The following SLC17A9 variants were observed in gnomAD, a reference collection of about 807,000 sequenced individuals.
The protein encoded by SLC17A9 is solute carrier family 17 member 9, also known as voltage-gated purine nucleotide uniporter SLC17A9.
A neutral mutation model predicts 55.0 loss-of-function variants in SLC17A9; 49 were observed. That is an observed-to-expected ratio of 0.89 (90% CI 0.71 to 1.13). SLC17A9 has a LOEUF of 1.13. Among genes scored for constraint, SLC17A9 ranks in the 50% most tolerant of loss-of-function variants. The probability of loss-of-function intolerance (pLI) is 0.00; values close to 1 mark genes in which losing one functional copy is unlikely to be tolerated. For missense variants in SLC17A9, 526 were observed against 569.3 expected (o/e 0.92, Z 0.77); for synonymous variants, 256 against 247.4 (o/e 1.03, Z -0.32).
In SLC17A9 at chr20:62,967,406, T is replaced by C; in HGVS notation, c.1217T>C (p.Leu406Pro). The change falls in exon 13 of 13, where the codon CTT (leucine) becomes CCT (proline). Residue 406 changes from leucine to proline, a missense_variant. By Grantham distance (98) the Leu-to-Pro change is moderately conservative. Coordinates refer to ENST00000370351, the MANE Select transcript of SLC17A9 (RefSeq NM_022082.4). ...GGCTCCTGGACTTGCCTGTTCAACC[T>C]TGTGGCCATCATCAGCAACCTGGGG... is the stretch of plus-strand genomic sequence containing the variant. ...TTGSWTCLFN[L>P]VAIISNLGLC... The C allele has an allele frequency of 6.2e-7, 1 of 1,614,180 alleles. No homozygotes were observed. The highest frequency in any genetic ancestry group is 8.5e-7 in the Non-Finnish European group (1 of 1,180,020).
At position 62,957,590 on chromosome 20, in the gene SLC17A9, G is replaced by C; in HGVS notation, c.397+10G>C. On this transcript the variant is annotated intron_variant, in intron 3 of 12. Coordinates refer to ENST00000370351, the MANE Select transcript of SLC17A9 (RefSeq NM_022082.4). ...ATGGGCTTGCTCCAAGGTAAGGGGA[G>C]CTCAGGCGGCTCCCTCACGCTCTCT... The C allele has an allele frequency of 6.5e-7, 1 of 1,528,172 alleles. No homozygotes were observed. The highest frequency in any genetic ancestry group is 8.8e-7 in the Non-Finnish European group (1 of 1,138,276). 94.7% of individuals were successfully genotyped at this position (1,528,172 alleles called of 1,614,324 possible).
rs745860254 is a variant in SLC17A9, at chr20:62,965,102, G to A, written c.911-30G>A. 1.9e-5 allele frequency: 31 copies of A among 1,613,760 alleles called. 1 individual carries two copies. Among genetic ancestry groups the A allele is most frequent in the African/African-American group, 1.2e-4 (9 of 74,936 alleles). The stretch of plus-strand genomic sequence containing the variant: ...GGGGTGTCAGCACGAAAGGGCTAAC[G>A]GGAGCCCCTTCCTTGGCCTCCCCCT... On this transcript the variant is annotated intron_variant, in intron 8 of 12. Transcript: ENST00000370351.
chr20:62,967,524 AG>A lies in SLC17A9; in HGVS notation c.*26del. On this transcript the variant is annotated 3_prime_UTR_variant, in exon 13 of 13. Transcript: ENST00000370351. ...AGCTCCCAACCCCACAGCCTCTCCA[AG>A]GACCCAGGCGCCAGCAGCCCCAGGA... 6.2e-7 allele frequency: 1 copy of A among 1,607,880 alleles called. No individual in the cohort carries two copies. The highest frequency in any genetic ancestry group is 2.2e-5 in the East Asian group (1 of 44,746).
At chr20:62,965,751 A>G in intron 10 of SLC17A9, 26 bp downstream of exon 10, 1 of 1,608,840 alleles carries the variant, frequency 6.2e-7, no homozygotes, top group African/African-American at 1.3e-5. Flanking sequence ...TCCATCCACC[A>G]GAGCGCCGTG....
rs560533186 is a variant in SLC17A9 at position 62,957,840 on chromosome 20, C to T, written c.397+260C>T. Among the ~76,000 whole-genome samples the T allele has an allele frequency of 1.2e-3, 158 of 132,992 alleles. 4 individuals carry two copies. Among genetic ancestry groups the T allele is most frequent in the Middle Eastern group, 8.8e-3 (2 of 226 alleles). The allele number at this position is 132,992 out of a possible 152,430, so 87.2% of individuals were successfully genotyped here. On this transcript the variant is annotated intron_variant, in intron 3 of 12. Transcript: ENST00000370351. ...GTGTATGGGCATGCCCGCGTGCATG[C>T]GTGCACCTGTGCGTGTGCGTGTGCA...
intron 12 of SLC17A9, 187 bp downstream of exon 12, chr20:62,966,919 C>T (rs796866402): frequency 3.3e-4 from 228 of 686,312 alleles, no homozygotes; most frequent in East Asian, 7.4e-4. Context: ...ACTTTGCTGA[C>T]GGCAGGTGGC....
intron 3 of SLC17A9, 102 bp downstream of exon 3, chr20:62,957,682 TG>T: frequency 1.9e-6 from 2 of 1,079,398 alleles, no homozygotes. Context: ...TGCATGCAGG[TG>T]GTGTACAAGT....
At chr20:62,952,965 C>A in intron 1 of SLC17A9, 76 bp downstream of exon 1, 2 of 1,397,142 alleles carry the variant, frequency 1.4e-6, no homozygotes, top group East Asian at 2.5e-5. Flanking sequence ...GATACTGCCA[C>A]GTGGGACGAT....
intron 4 of SLC17A9, among the ~76,000 whole-genome samples, chr20:62,961,537 T>A (rs76065031): frequency 0.019 from 2,900 of 152,196 alleles, 89 homozygotes; most frequent in African/African-American, 0.066. Flanking sequence ...CAGGGTGGAT[T>A]GGTGCAGGAG....
Position 62,962,711 on chromosome 20 carries a change from G to A in SLC17A9, c.585G>A (p.Leu195=). 1 of 1,614,100 alleles carries A rather than the reference G, an allele frequency of 6.2e-7. No individual in the cohort carries two copies. The highest frequency in any genetic ancestry group is 8.5e-7 in the Non-Finnish European group (1 of 1,179,968). Residue 195 remains leucine (L), a synonymous_variant, in exon 5 of 13, where the codon TTG becomes TTA. Transcript: ENST00000370351. The surrounding 1 kb of genome is among the most constrained non-coding windows in gnomAD (Gnocchi z 5.5). ...SIFYFSGGLT[L]LWVWYVYRYL... ...TCTATTTCTCCGGCGGCCTCACCTT[G>A]CTTTGGGTGTGGTACGTGTACAGGT...
intron 7 of SLC17A9, 54 bp downstream of exon 7, chr20:62,963,734 A>C: frequency 6.7e-7 from 1 of 1,491,254 alleles, no homozygotes; most frequent in South Asian, 1.2e-5. Context: ...ACGAGGCTTG[A>C]GCTGCACCAG....
rs2065561505 is a variant in SLC17A9, at chr20:62,958,451, C to G, written c.397+871C>G. 6.6e-6 allele frequency among the ~76,000 whole-genome samples: 1 copy of G among 152,018 alleles called. No individual in the cohort carries two copies. The highest frequency in any genetic ancestry group is 6.5e-5 in the Admixed American group (1 of 15,276). The stretch of plus-strand genomic sequence containing the variant: ...GGGCCAAGGGGGCTTTGAGGGGCCC[C>G]TACTTGGCTGGGGTCCCCTGGAGAA... On this transcript the variant is annotated intron_variant, in intron 3 of 12. Transcript: ENST00000370351. The surrounding 1 kb of genome is among the most constrained non-coding windows in gnomAD (Gnocchi z 4.1).
Position 62,967,598 on chromosome 20 carries a change from C to T in SLC17A9, c.*98C>T, listed in dbSNP as rs1243045289. ...ACTTGGTCACTCCATGTCAGACACA[C>T]GAGCAGAGAGGAACACAAACCACTG... On this transcript the variant is annotated 3_prime_UTR_variant, in exon 13 of 13. Transcript: ENST00000370351. 22 of 1,282,166 alleles carry T rather than the reference C, an allele frequency of 1.7e-5. No individual in the cohort carries two copies. Among genetic ancestry groups the T allele is most frequent in the Non-Finnish European group, 2.1e-5 (20 of 958,222 alleles). 79.4% of individuals were successfully genotyped at this position (1,282,166 alleles called of 1,614,324 possible).
At position 62,960,590 on chromosome 20, in the gene SLC17A9, G is replaced by T; in HGVS notation, c.484G>T (p.Gly162Cys). The change falls in exon 4 of 13, where the codon GGC (glycine) becomes TGC (cysteine). Residue 162 changes from glycine (G) to cysteine (C), a missense_variant. Gly to Cys is a radical substitution (Grantham distance 159). Coordinates refer to ENST00000370351, the MANE Select transcript of SLC17A9 (RefSeq NM_022082.4). ...CTTCACCTACAGCATCGTGGGCGCC[G>T]GCTCCCAGTTTGGGTAAGTCCTGGC... Reference protein sequence around the residue: ...RAFTYSIVGAGSQFGTLLTGA... With the variant: ...RAFTYSIVGACSQFGTLLTGA... 6.2e-7 allele frequency: 1 copy of T among 1,612,206 alleles called. No individual in the cohort carries two copies. The highest frequency in any genetic ancestry group is 8.5e-7 in the Non-Finnish European group (1 of 1,179,702).
rs1050817226 is a variant in SLC17A9, at chr20:62,960,198, C to T, written c.398-306C>T. ...GTGTTGGTGCGAGGACTCTAGAGCA[C>T]AGCTGGAGGCCGGTGGTGAGAGTGT... is the stretch of plus-strand genomic sequence containing the variant. On this transcript the variant is annotated intron_variant, in intron 3 of 12. Transcript: ENST00000370351. Among the ~76,000 whole-genome samples, 41 of 152,262 alleles carry T rather than the reference C, an allele frequency of 2.7e-4. 1 individual carries two copies. Among genetic ancestry groups the T allele is most frequent in the Admixed American group, 2.6e-4 (4 of 15,290 alleles).
chr20:62,966,484 TGGTGGCCAG>T (rs1243285926), intron 10 of SLC17A9, 32 bp from the exon 11 acceptor site: 1 of 1,604,042 alleles, frequency 6.2e-7, no homozygotes, highest in Non-Finnish European at 8.5e-7. Context: ...ACCAGCTCGG[TGGTGGCCAG>T]GGCCACTCAC....
At chr20:62,957,624 G>T in intron 3 of SLC17A9, 44 bp downstream of exon 3, 2 of 1,472,706 alleles carry the variant, frequency 1.4e-6, no homozygotes, top group Non-Finnish European at 1.8e-6. Context: ...CTGGCACCAG[G>T]TGGGGAGACA....
rs762969168 is a variant in SLC17A9, at chr20:62,957,520, C to G, written c.337C>G (p.Leu113Val). 4 of 1,609,664 alleles carry G rather than the reference C, an allele frequency of 2.5e-6. No homozygotes were observed. Among genetic ancestry groups the G allele is most frequent in the Non-Finnish European group, 3.4e-6 (4 of 1,178,606 alleles). The change falls in exon 3 of 13, where the codon CTG becomes GTG. Residue 113 changes from leucine to valine, a missense_variant. Physicochemically the swap from Leu to Val is conservative, Grantham distance 32 (BLOSUM62 1). Transcript: ENST00000370351. Reference protein sequence around the residue: ...ITAVTPLLAHLSSAHLAFMTF... With the variant: ...ITAVTPLLAHVSSAHLAFMTF... ...GGCCGTCACCCCACTGCTCGCCCACCTGAGCAGTGCCCACCTGGCCTTCAT... is the reference window on the plus strand; with the variant it reads ...GGCCGTCACCCCACTGCTCGCCCACGTGAGCAGTGCCCACCTGGCCTTCAT...
chr20:62,966,584 A>G lies in SLC17A9; in HGVS notation c.1117+4A>G, dbSNP rs1427537554. The stretch of plus-strand genomic sequence containing the variant: ...TCCTGCGCCGGCTTTCTGTTTGGTG[A>G]GGACCTTGCCTTACCCCAGCTTTGC... On this transcript the variant is annotated splice_donor_region_variant and intron_variant, in intron 11 of 12. Coordinates refer to ENST00000370351, the MANE Select transcript of SLC17A9 (RefSeq NM_022082.4). 6.6e-7 allele frequency: 1 copy of G among 1,518,040 alleles called. No individual in the cohort carries two copies. The allele number at this position is 1,518,040 out of a possible 1,614,324, so 94.0% of individuals were successfully genotyped here.
Sources: allele counts gnomAD v4.1 joint callset (sites outside exome capture counted in the v4.1 genomes callset), GRCh38; gene constraint gnomAD v4.1.1; non-coding constraint Gnocchi (gnomAD v3.1); transcripts MANE v1.5; gene names NCBI Gene and HGNC (gene_info 2026-07-23, HGNC 2026-07-21).